Variants in UNC79 observed in about 807,000 individuals in gnomAD.
UNC79 encodes protein unc-79 homolog.
A neutral mutation model predicts 283.1 loss-of-function variants in UNC79; 37 were observed. The ratio of observed to expected loss-of-function variants is 0.13; its 90% CI spans 0.10 to 0.17. The LOEUF is 0.17. UNC79 is among the 10% of genes least tolerant of loss of function. UNC79 has a pLI of 1.00. For missense variants in UNC79, 2,272 were observed against 3,211.1 expected (o/e 0.71, Z 7.07); for synonymous variants, 1,107 against 1,200.2 (o/e 0.92, Z 1.61).
chr14:93,412,030 A>G (rs554743968), intron 1 of UNC79, among the ~76,000 whole-genome samples: 258 of 152,372 alleles, frequency 1.7e-3, no homozygotes, highest in Non-Finnish European at 3.1e-3. Flanking sequence ...AGGAAACTCA[A>G]AGAAATTGAA....
intron 20 of UNC79, among the ~76,000 whole-genome samples, chr14:93,585,924 C>T (rs1034670148): frequency 3.3e-5 from 5 of 150,816 alleles, no homozygotes; most frequent in Non-Finnish European, 7.4e-5. Context: ...CTCTATTGCC[C>T]AGGCTGGAGT....
At chr14:93,606,303 G>A (rs2065887278) in intron 26 of UNC79, among the ~76,000 whole-genome samples, 1 of 152,156 alleles carries the variant, frequency 6.6e-6, no homozygotes, top group African/African-American at 2.4e-5. Flanking sequence ...GCAGATAACA[G>A]CATTGTTTAA....
chr14:93,511,061 G>A (rs1951718), intron 7 of UNC79, among the ~76,000 whole-genome samples: 130,377 of 152,150 alleles, frequency 0.86, 56,012 homozygotes, highest in East Asian at 0.93. Flanking sequence ...CAGAAGGTAA[G>A]GGGGAAGCGG....
intron 38 of UNC79, 102 bp downstream of exon 41, chr14:93,655,509 G>T: frequency 7.2e-7 from 1 of 1,393,108 alleles, no homozygotes; most frequent in South Asian, 1.4e-5. Flanking sequence ...TATCGCAAAG[G>T]TTAATGAGGA....
chr14:93,599,990 A>G (rs2065375340), intron 24 of UNC79, among the ~76,000 whole-genome samples: 2 of 152,014 alleles, frequency 1.3e-5, no homozygotes, highest in African/African-American at 2.4e-5. Flanking sequence ...TCACGAGGTC[A>G]GGAGATCGAG....
chr14:93,512,312 A>C (rs961500022), intron 7 of UNC79, among the ~76,000 whole-genome samples: 2 of 151,378 alleles, frequency 1.3e-5, no homozygotes, highest in South Asian at 4.2e-4. Flanking sequence ...TCTTTGAAAG[A>C]TTTTCTGTTT....
chr14:93,470,607 T>G (rs2057451107), intron 2 of UNC79, among the ~76,000 whole-genome samples: 1 of 152,202 alleles, frequency 6.6e-6, no homozygotes, highest in Non-Finnish European at 1.5e-5. Context: ...TAGTCCAAAT[T>G]TCATCCAGCG....
intron 7 of UNC79, among the ~76,000 whole-genome samples, chr14:93,508,038 G>A (rs1355935910): frequency 6.6e-6 from 1 of 151,904 alleles, no homozygotes; most frequent in Non-Finnish European, 1.5e-5. Context: ...TTGTATCTCT[G>A]TCTGTACACC....
chr14:93,547,567 A>C (rs2061663589), intron 14 of UNC79, among the ~76,000 whole-genome samples: 1 of 152,240 alleles, frequency 6.6e-6, no homozygotes, highest in African/African-American at 2.4e-5. Context: ...CCTATATGAC[A>C]CTAAGAGATT....
chr14:93,634,823 G>A (rs755735811), intron 31 of UNC79, among the ~76,000 whole-genome samples, 186 bp downstream of exon 34: 56 of 152,122 alleles, frequency 3.7e-4, no homozygotes, highest in Non-Finnish European at 7.1e-4. Flanking sequence ...AGAGTGACAC[G>A]CTCTTCCGTT....
rs748129167 is a variant in UNC79, at chr14:93,622,057, A to G, written c.4824A>G (p.Ile1608Met). 6 of 1,614,166 alleles carry G rather than the reference A, an allele frequency of 3.7e-6. No individual in the cohort carries two copies. In the African/African-American group the frequency reaches 5.3e-5, roughly 14 times the overall value. ...CTCCTAAAGAGGATTTAGATCTGAT[A>G]GATCTATCCTCAGATTCAACCTCGG... Residue 1608 changes from isoleucine (I) to methionine (M), a missense_variant, in exon 30 of 49, where the codon ATA becomes ATG. Physicochemically the swap from Ile to Met is conservative, Grantham distance 10. Around this residue, in one of 11 missense-constraint regions of UNC79, gnomAD observed 580 missense variants for 632.2 expected, o/e 0.92. Transcript: ENST00000555664.
chr14:93,493,676 A>G (rs903970876), intron 5 of UNC79, among the ~76,000 whole-genome samples: 3 of 151,948 alleles, frequency 2.0e-5, no homozygotes, highest in East Asian at 1.9e-4. Flanking sequence ...TTGCACTGCT[A>G]TAAAGAAATA....
chr14:93,513,039 C>CT (rs2059899425), intron 7 of UNC79, among the ~76,000 whole-genome samples: 1 of 152,136 alleles, frequency 6.6e-6, no homozygotes, highest in African/African-American at 2.4e-5. Flanking sequence ...TGTGAAGTTA[C>CT]TGGTGGATCA....
At chr14:93,600,003 C>T (rs1372360553) in intron 24 of UNC79, among the ~76,000 whole-genome samples, 4 of 151,830 alleles carry the variant, frequency 2.6e-5, no homozygotes, top group Non-Finnish European at 5.9e-5. Context: ...AGATCGAGAC[C>T]ATCCGGCTAA....
At chr14:93,558,292 C>T (rs2141382941) in intron 14 of UNC79, among the ~76,000 whole-genome samples, 1 of 152,316 alleles carries the variant, frequency 6.6e-6, no homozygotes, top group African/African-American at 2.4e-5. Context: ...CGCGGTGGCT[C>T]ACGCCTGTAA....
intron 41 of UNC79, among the ~76,000 whole-genome samples, chr14:93,676,688 C>G (rs143148406): frequency 6.6e-6 from 1 of 152,286 alleles, no homozygotes; most frequent in Non-Finnish European, 1.5e-5. Flanking sequence ...CAATGCAATA[C>G]ATTAGTCAAC....
Position 93,621,847 on chromosome 14 carries a change from C to T in UNC79, c.4614C>T (p.Ile1538=), listed in dbSNP as rs1391980240. Residue 1538 remains isoleucine, a synonymous_variant, in exon 30 of 49, where the codon ATC becomes ATT. Coordinates refer to ENST00000555664, the Ensembl canonical transcript of UNC79. The surrounding 1 kb of genome is among the most constrained non-coding windows in gnomAD (Gnocchi z 4.8). ...AGCCTCCGACCCAAGCTGCGTATAT[C>T]GCACAAAGACCAAACGACCCTGGAC... The T allele has an allele frequency of 1.9e-6, 3 of 1,613,966 alleles. No homozygotes were observed. Among genetic ancestry groups the T allele is most frequent in the Non-Finnish European group, 2.5e-6 (3 of 1,179,988 alleles).
chr14:93,542,833 T>A, intron 14 of UNC79, 137 bp downstream of exon 14: 1 of 767,430 alleles, frequency 1.3e-6, no homozygotes, highest in Non-Finnish European at 2.1e-6. Flanking sequence ...GCTAAATGAA[T>A]TTAGTAACTG....
At chr14:93,491,808 T>C (rs1375625465) in intron 5 of UNC79, among the ~76,000 whole-genome samples, 2 of 152,202 alleles carry the variant, frequency 1.3e-5, no homozygotes, top group Admixed American at 1.3e-4. Flanking sequence ...GCATCTGTTA[T>C]TTTAAAATCT....
Sources: gnomAD v4.1 joint callset for allele counts (sites outside exome capture counted in the v4.1 genomes callset) on GRCh38, gnomAD v4.1.1 for gene constraint, gnomAD v4.1.1 regional missense constraint, Gnocchi (gnomAD v3.1) non-coding constraint, MANE v1.5 for transcripts, NCBI Gene and HGNC (gene_info 2026-07-23, HGNC 2026-07-21) for gene names.